The following BTRC variants were observed in gnomAD, a reference collection of about 807,000 sequenced individuals.
The protein encoded by BTRC is beta-transducin repeat containing E3 ubiquitin protein ligase.
BTRC carries 42 observed loss-of-function variants against 85.5 expected under a neutral mutation model. The ratio of observed to expected loss-of-function variants is 0.49; its 90% CI spans 0.38 to 0.64. BTRC has a LOEUF of 0.64. BTRC is among the 30% of genes least tolerant of loss of function. The pLI is 0.00. For missense variants in BTRC, 594 were observed against 743.5 expected (o/e 0.80, Z 2.34); for synonymous variants, 255 against 263.3 (o/e 0.97, Z 0.30).
At chr10:101,552,126 A>C (rs1170350267) in intron 14 of BTRC, among the ~76,000 whole-genome samples, 1 of 151,388 alleles carries the variant, frequency 6.6e-6, no homozygotes, top group Non-Finnish European at 1.5e-5. Flanking sequence ...CCTCACTCCC[A>C]AGAGTCTGTT....
rs1491007910 is a variant in BTRC at position 101,399,343 on chromosome 10, T to TTG, written c.49-31001_49-31000insGT. ...CACCTTTTTTTTTTTTTTTTTTTTT[T>TTG]TAGAATTTTTAAAAAGCTCATTCCC... On this transcript the variant is annotated intron_variant, in intron 1 of 14. Coordinates refer to ENST00000370187, the MANE Select transcript of BTRC (RefSeq NM_033637.4). 6.6e-5 allele frequency among the ~76,000 whole-genome samples: 6 copies of TTG among 91,074 alleles called. No individual in the cohort carries two copies. In the East Asian group the frequency reaches 1.8e-3, roughly 28 times the overall value. The allele number at this position is 91,074 out of a possible 152,430, so 59.7% of individuals were successfully genotyped here. A position where few individuals can be genotyped will look rare whatever the true frequency, so the allele number is the denominator to read the frequency against.
intron 13 of BTRC, among the ~76,000 whole-genome samples, chr10:101,540,829 C>G (rs2062454978): frequency 1.3e-5 from 2 of 152,102 alleles, no homozygotes; most frequent in Non-Finnish European, 2.9e-5. Context: ...GACTGTAGAT[C>G]AGTTTGGAGA....
intron 2 of BTRC, among the ~76,000 whole-genome samples, chr10:101,443,741 T>C (rs886734225): frequency 2.6e-5 from 4 of 152,226 alleles, no homozygotes; most frequent in African/African-American, 9.6e-5. Flanking sequence ...CTAAAATGAC[T>C]ATAATTTGTA....
chr10:101,427,285 T>A (rs1944282209), intron 1 of BTRC, among the ~76,000 whole-genome samples: 1 of 151,642 alleles, frequency 6.6e-6, no homozygotes, highest in African/African-American at 2.4e-5. Context: ...ACCCAGCTTA[T>A]TTTTGTATTT....
intron 1 of BTRC, among the ~76,000 whole-genome samples, chr10:101,368,207 A>G (rs952624682): frequency 2.0e-5 from 3 of 151,898 alleles, no homozygotes; most frequent in African/African-American, 7.3e-5. Flanking sequence ...AGAGTCTGGC[A>G]CCTCCCTTTT....
At chr10:101,480,614 C>A (rs984233402) in intron 4 of BTRC, among the ~76,000 whole-genome samples, 1 of 152,122 alleles carries the variant, frequency 6.6e-6, no homozygotes, top group Admixed American at 6.5e-5. Context: ...TTTTGGAGAA[C>A]ACAAACGTTC....
chr10:101,496,382 CGTA>C (rs1398624368), intron 4 of BTRC, among the ~76,000 whole-genome samples: 1 of 151,972 alleles, frequency 6.6e-6, no homozygotes, highest in Non-Finnish European at 1.5e-5. Flanking sequence ...TCTGGTGATA[CGTA>C]GTAGTATTAT....
chr10:101,552,321 G>A (rs893057977), intron 14 of BTRC, among the ~76,000 whole-genome samples: 40 of 150,342 alleles, frequency 2.7e-4, no homozygotes, highest in Non-Finnish European at 4.9e-4. Flanking sequence ...CCTGAGTACC[G>A]CGGGCACACA....
intron 1 of BTRC, among the ~76,000 whole-genome samples, chr10:101,397,648 G>C (rs1292418837): frequency 6.6e-6 from 1 of 152,114 alleles, no homozygotes; most frequent in Non-Finnish European, 1.5e-5. Context: ...TATTGAAAAT[G>C]ACTTTTAAAA....
At chr10:101,527,767 CT>C (rs1215941776) in intron 6 of BTRC, among the ~76,000 whole-genome samples, 2 of 77,148 alleles carry the variant, frequency 2.6e-5, no homozygotes, top group Non-Finnish European at 6.7e-5. Flanking sequence ...CTCTGTCTCT[CT>C]CTCTCTCTCT....
At chr10:101,478,781 CA>C (rs71472573) in intron 3 of BTRC, among the ~76,000 whole-genome samples, 49,026 of 119,728 alleles carry the variant, frequency 0.41, 9,603 homozygotes, top group Middle Eastern at 0.55. Context: ...GACCCTATCT[CA>C]AAAAAAAAAA....
chr10:101,413,395 G>A (rs1423497522), intron 1 of BTRC, among the ~76,000 whole-genome samples: 1 of 151,940 alleles, frequency 6.6e-6, no homozygotes, highest in African/African-American at 2.4e-5. Context: ...CTCACTGCAG[G>A]CTCCGCCTCC....
chr10:101,449,804 C>T (rs1296085470), intron 2 of BTRC, among the ~76,000 whole-genome samples: 9 of 151,536 alleles, frequency 5.9e-5, no homozygotes, highest in African/African-American at 1.7e-4. Context: ...ACAGTGTAAA[C>T]GTATGTGTGG....
At chr10:101,501,142 G>C (rs1946389943) in intron 4 of BTRC, among the ~76,000 whole-genome samples, 1 of 150,922 alleles carries the variant, frequency 6.6e-6, no homozygotes, top group South Asian at 2.1e-4. Flanking sequence ...GCAGTGAGTG[G>C]AGTACACTGC....
At chr10:101,422,104 C>T (rs1385646168) in intron 1 of BTRC, among the ~76,000 whole-genome samples, 1 of 152,204 alleles carries the variant, frequency 6.6e-6, no homozygotes, top group African/African-American at 2.4e-5. Context: ...TAAAAGTGTT[C>T]CTCTTCTCCA....
intron 1 of BTRC, among the ~76,000 whole-genome samples, chr10:101,397,198 C>T (rs1943386300): frequency 6.6e-6 from 1 of 152,128 alleles, no homozygotes; most frequent in Non-Finnish European, 1.5e-5. Flanking sequence ...AATCCAGTAT[C>T]CTTAAGAATA....
At chr10:101,419,967 T>C (rs1192628413) in intron 1 of BTRC, among the ~76,000 whole-genome samples, 3 of 152,116 alleles carry the variant, frequency 2.0e-5, no homozygotes, top group Non-Finnish European at 4.4e-5. Context: ...AGAGTGATAT[T>C]TTGAATCATT....
chr10:101,400,116 C>G (rs549170354), intron 1 of BTRC, among the ~76,000 whole-genome samples: 7 of 152,210 alleles, frequency 4.6e-5, no homozygotes, highest in African/African-American at 1.7e-4. Context: ...TTGTTACTTA[C>G]CAGGGAACAT....
rs187143053 is a variant in BTRC, at chr10:101,379,084, C to A, written c.48+24856C>A. ...ATTTAAAAACAATTTAAAAGCTAGT[C>A]AAATTAATTGAGAAGAATCCTGCTT... is the stretch of plus-strand genomic sequence containing the variant. On this transcript the variant is annotated intron_variant, in intron 1 of 14. Transcript: ENST00000370187. 2.7e-4 allele frequency among the ~76,000 whole-genome samples: 41 copies of A among 152,288 alleles called. No homozygotes were observed. The East Asian group carries it at 7.7e-3, about 29-fold the overall frequency.
Sources: allele counts gnomAD v4.1 joint callset (sites outside exome capture counted in the v4.1 genomes callset), GRCh38; gene constraint gnomAD v4.1.1; transcripts MANE v1.5; gene names NCBI Gene and HGNC (gene_info 2026-07-23, HGNC 2026-07-21).